The following ANKRD30BL variants were observed in gnomAD, a reference collection of about 807,000 sequenced individuals.
ANKRD30BL encodes putative ankyrin repeat domain-containing protein 30B-like.
In ANKRD30BL, 20 loss-of-function variants were observed where a neutral mutation model predicts 18.4. That is an observed-to-expected ratio of 1.09 (90% confidence interval 0.77 to 1.58). The LOEUF (loss-of-function observed/expected upper bound fraction) is 1.58, where lower values mean the gene tolerates loss of function less well. ANKRD30BL is among the 40% of genes most tolerant of loss of function. The probability of loss-of-function intolerance (pLI) is 0.00; values close to 1 mark genes in which losing one functional copy is unlikely to be tolerated. For synonymous variants in ANKRD30BL, 72 were observed against 100.9 expected, an observed-to-expected ratio of 0.71 and a Z score of 1.72; for missense variants, 224 against 268.6, an observed-to-expected ratio of 0.83 and a Z score of 1.16.
chr2:132,240,668 TA>T (rs1403396647), intron 1 of ANKRD30BL, among the ~76,000 whole-genome samples: 11 of 151,450 alleles, frequency 7.3e-5, no homozygotes, highest in Admixed American at 2.0e-4. Flanking sequence ...TATCTTCACA[TA>T]AAAACTAGAC....
intron 1 of ANKRD30BL, among the ~76,000 whole-genome samples, chr2:132,217,926 T>C (rs1023013682): frequency 2.6e-5 from 4 of 151,838 alleles, no homozygotes; most frequent in Admixed American, 1.3e-4. Flanking sequence ...GTTTGAGGTC[T>C]TCGTTGGAAA....
intron 1 of ANKRD30BL, among the ~76,000 whole-genome samples, chr2:132,222,626 G>A (rs928963934): frequency 1.3e-5 from 2 of 151,882 alleles, no homozygotes; most frequent in East Asian, 1.9e-4. Context: ...TTAAACAGAT[G>A]CTTGAAGGCA....
At chr2:132,215,795 A>G (rs1679482183) in intron 1 of ANKRD30BL, among the ~76,000 whole-genome samples, 1 of 152,038 alleles carries the variant, frequency 6.6e-6, no homozygotes, top group Non-Finnish European at 1.5e-5. Context: ...TAGTTTTCAA[A>G]CACTCTTTCT....
chr2:132,193,274 T>C (rs1332881761), intron 1 of ANKRD30BL, among the ~76,000 whole-genome samples: 1 of 152,218 alleles, frequency 6.6e-6, no homozygotes, highest in Non-Finnish European at 1.5e-5. Flanking sequence ...TCAAGGTTTA[T>C]GTAACTACTG....
At chr2:132,239,921 G>A (rs1356434173) in intron 1 of ANKRD30BL, among the ~76,000 whole-genome samples, 3 of 151,694 alleles carry the variant, frequency 2.0e-5, no homozygotes, top group Non-Finnish European at 4.4e-5. Context: ...CACTCTTTTT[G>A]TAGAATCTGC....
chr2:132,242,350 C>T (rs932116155), intron 1 of ANKRD30BL, among the ~76,000 whole-genome samples: 10 of 151,030 alleles, frequency 6.6e-5, no homozygotes, highest in East Asian at 2.0e-4. Flanking sequence ...TTGAGGATAT[C>T]GTTGGAAACG....
intron 1 of ANKRD30BL, among the ~76,000 whole-genome samples, chr2:132,243,074 G>A (rs540547853): frequency 2.6e-5 from 4 of 151,674 alleles, no homozygotes; most frequent in African/African-American, 9.7e-5. Context: ...CTAGACAGAG[G>A]CATTCTCAGA....
rs1449749065 is a variant in ANKRD30BL, at chr2:132,251,722, A to G, written n.441+5807T>C. Among the ~76,000 whole-genome samples the G allele has an allele frequency of 3.3e-5, 5 of 152,130 alleles. No homozygotes were observed. The East Asian group carries it at 9.6e-4, about 29-fold the overall frequency. On this transcript the variant is annotated intron_variant and non_coding_transcript_variant, in intron 1 of 4. Coordinates refer to the ANKRD30BL transcript ENST00000470729. ...GGATAGGAAATCAATACCAAACAAA[A>G]CAATTCCATTCATTTTTTTCCACAG...
chr2:132,238,295 A>G (rs1680215793), intron 1 of ANKRD30BL, among the ~76,000 whole-genome samples: 1 of 151,924 alleles, frequency 6.6e-6, no homozygotes, highest in Non-Finnish European at 1.5e-5. Flanking sequence ...TGGAAACAGG[A>G]ATGTCTTCAC....
At chr2:132,194,317 T>C (rs1573829962) in intron 1 of ANKRD30BL, among the ~76,000 whole-genome samples, 1 of 151,850 alleles carries the variant, frequency 6.6e-6, no homozygotes, top group Non-Finnish European at 1.5e-5. Flanking sequence ...GGTTAGGAGG[T>C]GGGGGTAATG....
intron 1 of ANKRD30BL, among the ~76,000 whole-genome samples, chr2:132,255,868 C>G (rs1199665319): frequency 3.3e-5 from 5 of 152,120 alleles, no homozygotes; most frequent in African/African-American, 1.2e-4. Context: ...ATCGCTGCCA[C>G]GGGGGGCGTG....
At chr2:132,149,976 C>A (rs1274202378) in intron 5 of ANKRD30BL, among the ~76,000 whole-genome samples, 10 of 152,038 alleles carry the variant, frequency 6.6e-5, no homozygotes, top group Non-Finnish European at 1.3e-4. Context: ...ATGCTTTCAA[C>A]TTTTTTCAGG....
At chr2:132,232,910 A>G (rs2104785007) in intron 1 of ANKRD30BL, among the ~76,000 whole-genome samples, 1 of 152,244 alleles carries the variant, frequency 6.6e-6, no homozygotes, top group African/African-American at 2.4e-5. Context: ...GAAATGAAGG[A>G]AAAAATGTTA....
Position 132,242,701 on chromosome 2 carries a change from C to T in ANKRD30BL, n.441+14828G>A, listed in dbSNP as rs574279382. ...GATAGGTTTCTGGTTTTGTTGGAAA[C>T]GGGAATAGCTTCACATAAAAGCTAC... is the stretch of plus-strand genomic sequence containing the variant. On this transcript the variant is annotated intron_variant and non_coding_transcript_variant, in intron 1 of 4. Transcript: ENST00000470729. 4.0e-5 allele frequency among the ~76,000 whole-genome samples: 6 copies of T among 150,890 alleles called. No homozygotes were observed. In the Admixed American group the frequency reaches 4.0e-4, roughly 10 times the overall value.
chr2:132,207,603 C>T (rs979465044), intron 1 of ANKRD30BL, among the ~76,000 whole-genome samples: 5 of 152,008 alleles, frequency 3.3e-5, no homozygotes, highest in African/African-American at 4.8e-5. Flanking sequence ...AAGGGGTGAC[C>T]CTTTGACAGC....
At chr2:132,157,212 T>A in intron 2 of ANKRD30BL, 66 bp from the exon 3 acceptor site, 1 of 1,178,834 alleles carries the variant, frequency 8.5e-7, no homozygotes, top group South Asian at 1.7e-5. Context: ...TTCCACAGGT[T>A]TCACAAACCA....
intron 1 of ANKRD30BL, among the ~76,000 whole-genome samples, chr2:132,206,939 T>A (rs1244362729): frequency 6.6e-6 from 1 of 152,160 alleles, no homozygotes; most frequent in Non-Finnish European, 1.5e-5. Flanking sequence ...ATTCTCTACC[T>A]CCATCCTCAC....
intron 1 of ANKRD30BL, among the ~76,000 whole-genome samples, chr2:132,191,309 T>C (rs534365903): frequency 0.023 from 3,498 of 152,300 alleles, 122 homozygotes; most frequent in African/African-American, 0.08. Context: ...TCCTTTAGCC[T>C]GTTGGTGAAC....
In ANKRD30BL at chr2:132,187,198, T is replaced by TG. The variant is rs1558924538; in HGVS notation, n.442-30053_442-30052insC. Reference sequence around the variant, plus strand: ...TTTTTTTTTTTGTTTGTTTTTTTTTTTTTTTTTTTTTGAGAGACAGAGTCT... The same window carrying TG: ...TTTTTTTTTTTGTTTGTTTTTTTTTTGTTTTTTTTTTTGAGAGACAGAGTCT... On this transcript the variant is annotated intron_variant and non_coding_transcript_variant, in intron 1 of 4. Transcript: ENST00000470729. Among the ~76,000 whole-genome samples the TG allele has an allele frequency of 1.4e-3, 209 of 144,604 alleles. 2 individuals carry two copies. The highest frequency in any genetic ancestry group is 5.1e-3 in the African/African-American group (197 of 38,908). The allele number at this position is 144,604 out of a possible 152,430, so 94.9% of individuals were successfully genotyped here.
Sources: gnomAD v4.1 joint callset for allele counts (sites outside exome capture counted in the v4.1 genomes callset) on GRCh38, gnomAD v4.1.1 for gene constraint, MANE v1.5 for transcripts, NCBI Gene and HGNC (gene_info 2026-07-23, HGNC 2026-07-21) for gene names.